LAMP2: variants seen among roughly 807,000 people sequenced by gnomAD.
The protein encoded by LAMP2 is lysosome-associated membrane glycoprotein 2.
Under a neutral mutation model 25.6 loss-of-function variants are expected in LAMP2, and 4 were observed. The ratio of observed to expected loss-of-function variants is 0.16; its 90% CI spans 0.08 to 0.36. The LOEUF (loss-of-function observed/expected upper bound fraction) is 0.36. LAMP2 is among the 10% of genes least tolerant of loss of function. The probability of loss-of-function intolerance (pLI) is 1.00; values close to 1 mark genes in which losing one functional copy is unlikely to be tolerated. For synonymous variants in LAMP2, 108 were observed against 112.7 expected, an observed-to-expected ratio of 0.96 and a Z score of 0.27; for missense variants, 272 against 301.4, an observed-to-expected ratio of 0.90 and a Z score of 0.72.
chrX:120,460,337 T>C (rs1369672210), intron 1 of LAMP2, among the ~76,000 whole-genome samples: 3 of 110,069 alleles, frequency 2.7e-5, no homozygotes, highest in Non-Finnish European at 3.8e-5. Flanking sequence ...TTCAGGGTGG[T>C]AGAGGTGAAA....
intron 1 of LAMP2, among the ~76,000 whole-genome samples, chrX:120,457,073 A>G (rs1466224290): frequency 9.0e-6 from 1 of 111,404 alleles, no homozygotes; most frequent in Non-Finnish European, 1.9e-5. Flanking sequence ...GTCATGGCTC[A>G]GACTGGTGAC....
Position 120,455,415 on chromosome X carries a change from G to A in LAMP2, c.339C>T (p.Ser113=), listed in dbSNP as rs147369153. The A allele has an allele frequency of 5.9e-4, 713 of 1,208,029 alleles. No individual in the cohort carries two copies. Among genetic ancestry groups the A allele is most frequent in the Non-Finnish European group, 3.6e-4 (321 of 894,078 alleles). ...CACCAGTGTTGTAGGAAAATGAGAC[G>A]CTGTCAATTGAATAAGTAGATGCTG... ...TKAASTYSID[S]VSFSYNTGDN... is the part of the protein sequence containing the mutation. The change falls in exon 3 of 9, where the codon AGC becomes AGT. Residue 113 remains serine (S), a synonymous_variant. Coordinates refer to ENST00000200639, the MANE Select transcript of LAMP2 (RefSeq NM_002294.3).
At chrX:120,446,072 G>GAC (rs2058594671) in intron 6 of LAMP2, among the ~76,000 whole-genome samples, 1 of 110,586 alleles carries the variant, frequency 9.0e-6, no homozygotes, top group South Asian at 3.9e-4. Flanking sequence ...CTACCCTAGA[G>GAC]TCTCTCTAAT....
intron 8 of LAMP2, chrX:120,438,599 TA>T: frequency 1.3e-6 from 1 of 753,146 alleles, no homozygotes; most frequent in Non-Finnish European, 1.6e-6. Context: ...AAGAACATAA[TA>T]ATACCAGCCC....
chrX:120,428,485 T>C lies in LAMP2; in HGVS notation c.*2838A>G. The C allele has an allele frequency of 8.5e-7, 1 of 1,177,207 alleles. No homozygotes were observed. The highest frequency in any genetic ancestry group is 2.0e-5 in the South Asian group (1 of 50,546). On this transcript the variant is annotated 3_prime_UTR_variant, in exon 9 of 9. Transcript: ENST00000200639. ...CAAACAAACACTAGATTTAACTGATTACACAGACTGATAACCAGTACGACT... is the reference window on the plus strand; with the variant it reads ...CAAACAAACACTAGATTTAACTGATCACACAGACTGATAACCAGTACGACT...
At chrX:120,460,414 C>G (rs79701750) in intron 1 of LAMP2, among the ~76,000 whole-genome samples, 5,744 of 111,457 alleles carry the variant, frequency 0.052, 381 homozygotes, top group African/African-American at 0.17. Context: ...AACTACACTT[C>G]CAAAGCCCTC....
At chrX:120,438,720 ACACACACACAC>A in intron 8 of LAMP2, 1 of 794,671 alleles carries the variant, frequency 1.3e-6, no homozygotes, top group Non-Finnish European at 1.5e-6. Context: ...ACACACACAC[ACACACACACAC>A]AAAAAGAGCA....
chrX:120,439,403 C>T, intron 8 of LAMP2: 1 of 697,074 alleles, frequency 1.4e-6, no homozygotes, highest in Non-Finnish European at 2.3e-6. Flanking sequence ...AGATCAACTT[C>T]AAGTAACTAA....
At chrX:120,451,455 GT>G (rs1036644080) in intron 3 of LAMP2, among the ~76,000 whole-genome samples, 7 of 110,336 alleles carry the variant, frequency 6.3e-5, no homozygotes, top group East Asian at 2.9e-4. Flanking sequence ...GCCTAAATTA[GT>G]TTTTTTTGTT....
chrX:120,437,518 A>T, intron 8 of LAMP2: 3 of 752,400 alleles, frequency 4.0e-6, no homozygotes, highest in Non-Finnish European at 4.7e-6. Context: ...ACACCAAAAA[A>T]GTTCTCCTAG....
At chrX:120,458,089 T>C (rs1180286385) in intron 1 of LAMP2, among the ~76,000 whole-genome samples, 1 of 111,958 alleles carries the variant, frequency 8.9e-6, no homozygotes, top group Non-Finnish European at 1.9e-5. Context: ...ATCATTCTTT[T>C]CTAAGTACAA....
rs185671486 is a variant in LAMP2 at position 120,433,447 on chromosome X, C to G, written c.1094-1985G>C. ...AACTTAAATAGGATGAGGGAAACAG[C>G]CATTAGCAATTGACAGAAGATGCTG... On this transcript the variant is annotated intron_variant, in intron 8 of 8. Transcript: ENST00000200639. Among the ~76,000 whole-genome samples the G allele has an allele frequency of 1.6e-4, 18 of 111,737 alleles. No individual in the cohort carries two copies. In the East Asian group the frequency reaches 5.1e-3, roughly 31 times the overall value.
chrX:120,464,460 C>T (rs1324774226), intron 1 of LAMP2, among the ~76,000 whole-genome samples: 1 of 111,534 alleles, frequency 9.0e-6, no homozygotes, highest in Admixed American at 9.5e-5. Flanking sequence ...ATCGTCTCTG[C>T]TCTTAGAGAC....
At chrX:120,445,963 C>G (rs2058594053) in intron 6 of LAMP2, among the ~76,000 whole-genome samples, 2 of 111,959 alleles carry the variant, frequency 1.8e-5, no homozygotes, top group African/African-American at 6.5e-5. Context: ...TAACCAATAA[C>G]AGAGAAAAAA....
chrX:120,457,490 C>T (rs779424670), intron 1 of LAMP2, among the ~76,000 whole-genome samples: 4 of 112,030 alleles, frequency 3.6e-5, no homozygotes, highest in Admixed American at 9.5e-5. Flanking sequence ...ACTTTAAAAT[C>T]GAATTGATTA....
Position 120,431,329 on chromosome X carries a change from T to C in LAMP2, c.1227A>G (p.Gln409=), listed in dbSNP as rs1265482123. 1.7e-6 allele frequency: 2 copies of C among 1,210,716 alleles called. No homozygotes were observed. The highest frequency in any genetic ancestry group is 3.0e-5 in the East Asian group (1 of 33,849). Residue 409 remains glutamine (Q), a synonymous_variant, in exon 9 of 9, where the codon CAA becomes CAG. Coordinates refer to ENST00000200639, the MANE Select transcript of LAMP2 (RefSeq NM_002294.3). ...GLKHHHAGYE[Q]F The stretch of plus-strand genomic sequence containing the variant: ...ATCAATCAGGTTGCAGATTCTAAAA[T>C]TGCTCATATCCAGCATGATGGTGCT...
intron 3 of LAMP2, among the ~76,000 whole-genome samples, chrX:120,454,743 C>T (rs1193352346): frequency 1.8e-5 from 2 of 109,138 alleles, no homozygotes; most frequent in East Asian, 5.7e-4. Flanking sequence ...CGCCCACTTA[C>T]CAGACTGTGT....
At chrX:120,464,761 T>C (rs1471403105) in intron 1 of LAMP2, among the ~76,000 whole-genome samples, 1 of 111,738 alleles carries the variant, frequency 8.9e-6, no homozygotes, top group African/African-American at 3.3e-5. Context: ...TTTGTTTTGT[T>C]TTGTTTTGAG....
chrX:120,454,204 AG>A (rs1426869419), intron 3 of LAMP2, among the ~76,000 whole-genome samples: 1 of 103,870 alleles, frequency 9.6e-6, no homozygotes, highest in Non-Finnish European at 2.0e-5. Flanking sequence ...TTAGTCACTT[AG>A]TAGCCATGTC....
Sources: gnomAD v4.1 joint callset for allele counts (sites outside exome capture counted in the v4.1 genomes callset) on GRCh38, gnomAD v4.1.1 for gene constraint, MANE v1.5 for transcripts, NCBI Gene and HGNC (gene_info 2026-07-23, HGNC 2026-07-21) for gene names.